Variants in ABCC1 observed in about 807,000 individuals in gnomAD.
ABCC1 encodes ATP binding cassette subfamily C member 1 (ABCC1 blood group).
A neutral mutation model predicts 172.9 loss-of-function variants in ABCC1; 83 were observed. The observed-to-expected ratio is 0.48, with a 90% confidence interval of 0.40 to 0.58. The LOEUF is 0.58. Among genes scored for constraint, ABCC1 ranks in the 20% least tolerant of loss-of-function variants. The probability of loss-of-function intolerance (pLI) is 0.00; values close to 1 mark genes in which losing one functional copy is unlikely to be tolerated. For missense variants in ABCC1, 1,817 were observed against 2,002.7 expected, an observed-to-expected ratio of 0.91 and a Z score of 1.77; for synonymous variants, 937 against 825.2, an observed-to-expected ratio of 1.14 and a Z score of -2.32.
At chr16:15,987,647 T>C (rs965284654) in intron 1 of ABCC1, among the ~76,000 whole-genome samples, 1 of 152,224 alleles carries the variant, frequency 6.6e-6, no homozygotes, top group Admixed American at 6.5e-5. Context: ...TGCCCCCACT[T>C]GAGAACCATG....
At position 16,035,492 on chromosome 16, in the gene ABCC1, ATT is replaced by A. The variant is rs55727520; in HGVS notation, c.678-968_678-967del. Reference sequence around the variant, plus strand: ...ATTTTTTAATTTTTTCCTTCAGCCTATTTTTTTTTTTTTCTTTTTATAGGGTC... The same window carrying A: ...ATTTTTTAATTTTTTCCTTCAGCCTATTTTTTTTTTTCTTTTTATAGGGTC... On this transcript the variant is annotated intron_variant, in intron 6 of 30. Coordinates refer to ENST00000399410, the MANE Select transcript of ABCC1 (RefSeq NM_004996.4). Among the ~76,000 whole-genome samples the A allele has an allele frequency of 1.3e-3, 178 of 138,938 alleles. 1 individual carries two copies. Among genetic ancestry groups the A allele is most frequent in the African/African-American group, 2.9e-3 (109 of 38,122 alleles). 91.1% of individuals were successfully genotyped at this position (138,938 alleles called of 152,430 possible).
intron 19 of ABCC1, chr16:16,098,789 C>G (rs1012732370): frequency 1.4e-5 from 18 of 1,241,594 alleles, no homozygotes; most frequent in Non-Finnish European, 2.0e-5. Context: ...AAGACACTCC[C>G]TTCACTCCTT....
Position 16,141,296 on chromosome 16 carries a change from A to G in ABCC1, c.*15A>G. 1.9e-6 allele frequency: 3 copies of G among 1,612,830 alleles called. No homozygotes were observed. The highest frequency in any genetic ancestry group is 2.2e-5 in the East Asian group (1 of 44,872). ...GCTTGGTGTGAGCCCCAGAGCTGGCATATCTGGTCAGAACTGCAGGGCCTA... is the reference window on the plus strand; with the variant it reads ...GCTTGGTGTGAGCCCCAGAGCTGGCGTATCTGGTCAGAACTGCAGGGCCTA... On this transcript the variant is annotated 3_prime_UTR_variant, in exon 31 of 31. Transcript: ENST00000399410.
intron 19 of ABCC1, chr16:16,099,009 T>C: frequency 1.0e-6 from 1 of 993,600 alleles, no homozygotes; most frequent in Non-Finnish European, 1.4e-6. Flanking sequence ...GTCTGTGTTT[T>C]CACCCCTCCG....
intron 12 of ABCC1, among the ~76,000 whole-genome samples, chr16:16,067,575 G>A (rs2050159083): frequency 6.6e-6 from 1 of 152,180 alleles, no homozygotes; most frequent in Non-Finnish European, 1.5e-5. Context: ...ATAGGGGCTT[G>A]CCTGGAGAGG....
chr16:15,977,621 C>T (rs2046524592), intron 1 of ABCC1, among the ~76,000 whole-genome samples: 1 of 152,098 alleles, frequency 6.6e-6, no homozygotes, highest in Non-Finnish European at 1.5e-5. Context: ...CAAATCTTAG[C>T]ACCTTGGCCC....
intron 5 of ABCC1, among the ~76,000 whole-genome samples, chr16:16,018,262 T>G (rs1436438179): frequency 6.6e-6 from 1 of 152,030 alleles, no homozygotes; most frequent in Non-Finnish European, 1.5e-5. Context: ...GAAACCTATG[T>G]CTCAGGCCAG....
At chr16:16,046,100 T>G (rs1380724871) in intron 9 of ABCC1, 87 bp downstream of exon 9, 1 of 1,451,864 alleles carries the variant, frequency 6.9e-7, no homozygotes, top group African/African-American at 1.4e-5. Flanking sequence ...GCGTGGGGAT[T>G]TCCAGCCCAG....
chr16:16,082,014 T>C (rs1267225812), intron 16 of ABCC1, among the ~76,000 whole-genome samples: 2 of 151,914 alleles, frequency 1.3e-5, no homozygotes, highest in African/African-American at 4.8e-5. Flanking sequence ...AGGCTTCGTT[T>C]CAAAAAAAAA....
intron 1 of ABCC1, among the ~76,000 whole-genome samples, chr16:15,957,187 C>G (rs1021766569): frequency 6.6e-6 from 1 of 151,850 alleles, no homozygotes. Flanking sequence ...TCAAGCAATT[C>G]TCCCACTTCA....
chr16:16,082,973 A>G (rs1044833340), intron 16 of ABCC1, among the ~76,000 whole-genome samples: 1 of 152,124 alleles, frequency 6.6e-6, no homozygotes, highest in Admixed American at 6.6e-5. Flanking sequence ...AAAGTGTCAT[A>G]TATCTTTTTA....
intron 1 of ABCC1, among the ~76,000 whole-genome samples, chr16:15,958,175 G>A (rs1450726359): frequency 1.3e-5 from 2 of 152,038 alleles, no homozygotes; most frequent in African/African-American, 2.4e-5. Context: ...GTGGAATCTC[G>A]GCTCACTGCA....
At chr16:15,972,165 C>T (rs2046383964) in intron 1 of ABCC1, among the ~76,000 whole-genome samples, 1 of 152,110 alleles carries the variant, frequency 6.6e-6, no homozygotes, top group Non-Finnish European at 1.5e-5. Context: ...GATCATGTCA[C>T]TAGCAAGGAG....
In ABCC1 at chr16:16,036,517, C is replaced by G. The variant is rs1033419539; in HGVS notation, c.723C>G (p.Leu241=). 1.1e-5 allele frequency: 18 copies of G among 1,614,024 alleles called. No homozygotes were observed. The African/African-American group carries it at 2.4e-4, about 22-fold the overall frequency. Reference sequence around the variant, plus strand: ...GCCAGCCCCTGGAGGGCAGTGACCTCTGGTCCTTAAACAAGGAGGACACGT... The same window carrying G: ...GCCAGCCCCTGGAGGGCAGTGACCTGTGGTCCTTAAACAAGGAGGACACGT... The part of the protein sequence containing the change: ...GYRQPLEGSD[L]WSLNKEDTSE... Residue 241 remains leucine (L), a synonymous_variant, in exon 7 of 31, where the codon CTC becomes CTG. Coordinates refer to ENST00000399410, the MANE Select transcript of ABCC1 (RefSeq NM_004996.4).
intron 1 of ABCC1, among the ~76,000 whole-genome samples, chr16:15,969,170 C>T (rs2046313790): frequency 6.6e-6 from 1 of 152,176 alleles, no homozygotes; most frequent in African/African-American, 2.4e-5. Context: ...TGGCACTGCA[C>T]TCCAGCCTGG....
chr16:16,026,878 C>G (rs977898304), intron 5 of ABCC1, among the ~76,000 whole-genome samples: 1 of 151,872 alleles, frequency 6.6e-6, no homozygotes, highest in African/African-American at 2.4e-5. Context: ...GATCGGGCCA[C>G]TGCACTCCAG....
chr16:15,993,580 T>A (rs1423946764), intron 1 of ABCC1, among the ~76,000 whole-genome samples: 3 of 152,148 alleles, frequency 2.0e-5, no homozygotes, highest in Non-Finnish European at 2.9e-5. Flanking sequence ...CCACTCAGTA[T>A]CTTACAATGC....
At chr16:16,131,377 T>C (rs952791408) in intron 26 of ABCC1, among the ~76,000 whole-genome samples, 1 of 152,180 alleles carries the variant, frequency 6.6e-6, no homozygotes, top group Non-Finnish European at 1.5e-5. Flanking sequence ...TTCTTGTTTA[T>C]GTTCATAAAT....
chr16:15,973,665 C>A (rs536865899), intron 1 of ABCC1, among the ~76,000 whole-genome samples: 1 of 151,984 alleles, frequency 6.6e-6, no homozygotes, highest in Non-Finnish European at 1.5e-5. Context: ...CTCCAGCAAT[C>A]GTGTGATGCA....
Sources: allele counts gnomAD v4.1 joint callset (sites outside exome capture counted in the v4.1 genomes callset), GRCh38; gene constraint gnomAD v4.1.1; transcripts MANE v1.5; gene names NCBI Gene and HGNC (gene_info 2026-07-23, HGNC 2026-07-21).